The following ANKS1B variants were observed in gnomAD, a reference collection of about 807,000 sequenced individuals.
ANKS1B encodes ankyrin repeat and sterile alpha motif domain containing 1B.
A neutral mutation model predicts 148.3 loss-of-function variants in ANKS1B; 36 were observed. The observed-to-expected ratio is 0.24, with a 90% CI of 0.19 to 0.32. The LOEUF (loss-of-function observed/expected upper bound fraction) is 0.32. ANKS1B is among the 10% of genes least tolerant of loss of function. ANKS1B has a pLI of 1.00. For synonymous variants in ANKS1B, 542 were observed against 560.8 expected, an observed-to-expected ratio of 0.97 and a Z score of 0.47; for missense variants, 1,157 against 1,542.6, an observed-to-expected ratio of 0.75 and a Z score of 4.19.
intron 9 of ANKS1B, among the ~76,000 whole-genome samples, chr12:99,586,668 G>A (rs1387320736): frequency 1.3e-5 from 2 of 152,242 alleles, no homozygotes; most frequent in East Asian, 3.9e-4. Context: ...GCATACTCGA[G>A]GCTGGGTAAC....
At chr12:99,225,452 G>C (rs939929753) in intron 14 of ANKS1B, among the ~76,000 whole-genome samples, 1 of 152,084 alleles carries the variant, frequency 6.6e-6, no homozygotes, top group African/African-American at 2.4e-5. Flanking sequence ...AATTTGATTG[G>C]ACTGAAGGAT....
intron 1 of ANKS1B, among the ~76,000 whole-genome samples, chr12:99,907,369 T>C (rs1351893933): frequency 6.6e-6 from 1 of 152,206 alleles, no homozygotes. Context: ...TCTCTAAATA[T>C]GCCAGGCATG....
At chr12:99,790,370 G>C (rs921314130) in intron 4 of ANKS1B, among the ~76,000 whole-genome samples, 2 of 152,066 alleles carry the variant, frequency 1.3e-5, no homozygotes, top group South Asian at 4.1e-4. Context: ...ATGCTAAAGG[G>C]AGTTCTTCAA....
chr12:99,037,933 C>T (rs925295545), intron 17 of ANKS1B, among the ~76,000 whole-genome samples: 2 of 152,126 alleles, frequency 1.3e-5, no homozygotes, highest in African/African-American at 4.8e-5. Flanking sequence ...GCTGAGGACA[C>T]GTTGCCTGGT....
At chr12:99,351,975 C>T (rs778549640) in intron 12 of ANKS1B, 3 of 151,942 alleles carry the variant, frequency 2.0e-5, no homozygotes, top group Non-Finnish European at 4.4e-5. Context: ...AGAAAGCATA[C>T]CTCAGAATAT....
At chr12:99,919,670 A>G (rs567033581) in intron 1 of ANKS1B, among the ~76,000 whole-genome samples, 7 of 152,146 alleles carry the variant, frequency 4.6e-5, no homozygotes, top group Admixed American at 1.3e-4. Context: ...GTAGACATGG[A>G]TATCCACTGC....
intron 8 of ANKS1B, among the ~76,000 whole-genome samples, chr12:99,741,361 G>A (rs1473236863): frequency 7.9e-5 from 12 of 152,036 alleles, no homozygotes; most frequent in Admixed American, 7.9e-4. Flanking sequence ...TCTAGAACTA[G>A]AAATACCATT....
chr12:99,194,352 G>A (rs1356148837), intron 14 of ANKS1B, among the ~76,000 whole-genome samples: 5 of 152,022 alleles, frequency 3.3e-5, no homozygotes. Context: ...TGATGACTTT[G>A]AGGGGTCACA....
At chr12:99,280,205 A>T (rs111936580) in intron 12 of ANKS1B, among the ~76,000 whole-genome samples, 73 of 145,682 alleles carry the variant, frequency 5.0e-4, no homozygotes, top group African/African-American at 1.8e-3. Context: ...TGTGTGTGTG[A>T]GAGAGAGAGA....
intron 14 of ANKS1B, among the ~76,000 whole-genome samples, chr12:99,215,710 T>C (rs2084061004): frequency 6.6e-6 from 1 of 152,254 alleles, no homozygotes; most frequent in South Asian, 2.1e-4. Context: ...TTCTCCAATT[T>C]GGAACAGGTG....
In ANKS1B at chr12:98,994,974, A is replaced by T. The variant is rs572197749; in HGVS notation, c.2778+58183T>A. ...AACGCTTGTGTAAATTGTGAAGAAA[A>T]CAGTAATTAATGTATAGCTTGTTTT... On this transcript the variant is annotated intron_variant, in intron 17 of 26. Coordinates refer to ENST00000683438, the MANE Select transcript of ANKS1B (RefSeq NM_001352186.2). Among the ~76,000 whole-genome samples the T allele has an allele frequency of 2.0e-5, 3 of 152,320 alleles. No individual in the cohort carries two copies. In the East Asian group the frequency reaches 5.8e-4, roughly 29 times the overall value.
intron 1 of ANKS1B, among the ~76,000 whole-genome samples, chr12:99,980,771 A>C (rs2095689636): frequency 1.3e-5 from 2 of 152,086 alleles, no homozygotes; most frequent in African/African-American, 4.8e-5. Flanking sequence ...GCATCTAAAG[A>C]ACTATCCTGC....
At chr12:99,069,242 T>C (rs972835107) in intron 16 of ANKS1B, among the ~76,000 whole-genome samples, 2 of 152,188 alleles carry the variant, frequency 1.3e-5, no homozygotes, top group African/African-American at 2.4e-5. Context: ...GGACACAAGG[T>C]AATTGTTACT....
chr12:99,499,923 G>A (rs11109874), intron 10 of ANKS1B, among the ~76,000 whole-genome samples: 89 of 152,096 alleles, frequency 5.9e-4, no homozygotes, highest in Non-Finnish European at 1.1e-3. Flanking sequence ...CATTAGCACC[G>A]AGATTGGGCA....
At chr12:99,336,580 C>T (rs533221875) in intron 12 of ANKS1B, among the ~76,000 whole-genome samples, 1 of 151,868 alleles carries the variant, frequency 6.6e-6, no homozygotes, top group African/African-American at 2.4e-5. Context: ...TCATTCTTCT[C>T]GTATGGATAT....
At chr12:99,714,917 G>C (rs987578260) in intron 8 of ANKS1B, among the ~76,000 whole-genome samples, 5 of 150,564 alleles carry the variant, frequency 3.3e-5, no homozygotes, top group Non-Finnish European at 5.9e-5. Flanking sequence ...TCAGGAGTTC[G>C]AGACCAGCCT....
intron 10 of ANKS1B, among the ~76,000 whole-genome samples, chr12:99,452,607 C>G (rs1000241279): frequency 6.6e-6 from 1 of 152,074 alleles, no homozygotes; most frequent in African/African-American, 2.4e-5. Flanking sequence ...AGAAACAGTA[C>G]AGAAATCATA....
chr12:98,822,339 C>T (rs1445099289), intron 19 of ANKS1B, among the ~76,000 whole-genome samples: 1 of 152,128 alleles, frequency 6.6e-6, no homozygotes, highest in Non-Finnish European at 1.5e-5. Flanking sequence ...CCAGAGAATT[C>T]TCCTACCCTT....
intron 9 of ANKS1B, among the ~76,000 whole-genome samples, chr12:99,511,087 C>T (rs1030171554): frequency 1.3e-5 from 2 of 151,988 alleles, no homozygotes; most frequent in South Asian, 2.1e-4. Flanking sequence ...GAGACAGCAT[C>T]CTTGTCATGT....
Sources: allele counts gnomAD v4.1 joint callset (sites outside exome capture counted in the v4.1 genomes callset), GRCh38; gene constraint gnomAD v4.1.1; transcripts MANE v1.5; gene names NCBI Gene and HGNC (gene_info 2026-07-23, HGNC 2026-07-21).